GALM: variants seen among roughly 807,000 people sequenced by gnomAD.
GALM encodes galactose mutarotase.
A neutral mutation model predicts 37.4 loss-of-function variants in GALM; 43 were observed. That is an observed-to-expected ratio of 1.15 (90% CI 0.90 to 1.48). GALM has a LOEUF of 1.48. Among genes scored for constraint, GALM ranks in the 40% most tolerant of loss-of-function variants. The probability of loss-of-function intolerance (pLI) is 0.00; values close to 1 mark genes in which losing one functional copy is unlikely to be tolerated. For missense variants in GALM, 456 were observed against 419.1 expected (o/e 1.09, Z -0.77); for synonymous variants, 199 against 170.6 (o/e 1.17, Z -1.30).
intron 3 of GALM, among the ~76,000 whole-genome samples, chr2:38,689,253 C>T (rs928005458): frequency 4.6e-5 from 7 of 152,342 alleles, no homozygotes; most frequent in African/African-American, 1.7e-4. Flanking sequence ...TTTGACTCCC[C>T]TGCAAAGGCC....
At chr2:38,675,676 C>T (rs1235005432) in intron 1 of GALM, among the ~76,000 whole-genome samples, 1 of 151,462 alleles carries the variant, frequency 6.6e-6, no homozygotes, top group East Asian at 1.9e-4. Flanking sequence ...TCATGCCATT[C>T]TCCTGCCTCA....
chr2:38,681,353 AC>A lies in GALM; in HGVS notation c.423del (p.Gly142GlufsTer3). 3.7e-6 allele frequency: 6 copies of A among 1,614,082 alleles called. No individual in the cohort carries two copies. The highest frequency in any genetic ancestry group is 5.1e-6 in the Non-Finnish European group (6 of 1,180,008). On this transcript the variant is annotated frameshift_variant, in exon 3 of 7. Transcript: ENST00000272252. LOFTEE classifies it high-confidence loss of function. The stretch of plus-strand genomic sequence containing the variant: ...ATCAGTCCAGATGGTGAAGAAGGCT[AC>A]CCCGGAGAGTTAAAAGTCTGGGTGA... ...SRISPDGEEG[Y>X]PGELKVWVTY...
intron 4 of GALM, among the ~76,000 whole-genome samples, chr2:38,722,029 T>C (rs1442488701): frequency 7.1e-3 from 132 of 18,620 alleles, no homozygotes; most frequent in South Asian, 0.018. Context: ...ATGCCTTCCC[T>C]TCCCCCCCCC....
chr2:38,695,222 G>C (rs1665778609), intron 4 of GALM, among the ~76,000 whole-genome samples: 1 of 151,984 alleles, frequency 6.6e-6, no homozygotes, highest in Admixed American at 6.6e-5. Flanking sequence ...AAGACTTTGA[G>C]ACCAGCCTTG....
intron 4 of GALM, among the ~76,000 whole-genome samples, chr2:38,724,749 A>G (rs1490085513): frequency 1.3e-5 from 2 of 152,166 alleles, no homozygotes; most frequent in South Asian, 2.1e-4. Context: ...TGTGTTCTAT[A>G]TGGTAGCCTG....
intron 4 of GALM, among the ~76,000 whole-genome samples, chr2:38,714,360 G>T (rs536315156): frequency 6.6e-6 from 1 of 151,998 alleles, no homozygotes. Flanking sequence ...GACTACAGGC[G>T]TGCACCACCA....
chr2:38,672,145 T>C (rs1316238212), intron 1 of GALM, among the ~76,000 whole-genome samples: 1 of 152,176 alleles, frequency 6.6e-6, no homozygotes, highest in Non-Finnish European at 1.5e-5. Context: ...GTAAGGGAAT[T>C]CTTGCAAGCC....
intron 4 of GALM, among the ~76,000 whole-genome samples, chr2:38,709,939 G>C (rs185605726): frequency 4.8e-4 from 73 of 152,326 alleles, no homozygotes; most frequent in Admixed American, 4.5e-3. Flanking sequence ...AGCCCGACTA[G>C]ATAAAGAAAC....
At chr2:38,689,942 C>T in intron 4 of GALM, 48 bp downstream of exon 4, 2 of 1,104,636 alleles carry the variant, frequency 1.8e-6, no homozygotes, top group Non-Finnish European at 2.7e-6. Context: ...TGGATTGGCT[C>T]TCGAGGCCAA....
intron 6 of GALM, among the ~76,000 whole-genome samples, chr2:38,732,120 G>C (rs975685635): frequency 6.6e-6 from 1 of 152,096 alleles, no homozygotes; most frequent in Non-Finnish European, 1.5e-5. Context: ...TCCTGGGCAC[G>C]ATCTCAGCTC....
chr2:38,734,729 G>T lies in GALM; in HGVS notation c.*1164G>T, dbSNP rs138090594. The T allele has an allele frequency of 6.6e-6, 1 of 150,502 alleles. No homozygotes were observed. Among genetic ancestry groups the T allele is most frequent in the Admixed American group, 6.7e-5 (1 of 14,958 alleles). The allele number at this position is 150,502 out of a possible 1,614,324, so 9.3% of individuals were successfully genotyped here. A position where few individuals can be genotyped will look rare whatever the true frequency, so the allele number is the denominator to read the frequency against. Reference sequence around the variant, plus strand: ...AAAGTATGTTATACTAGTGTATGCTGTACTGAATTGAAATAAAACCAAAAT... The same window carrying T: ...AAAGTATGTTATACTAGTGTATGCTTTACTGAATTGAAATAAAACCAAAAT... On this transcript the variant is annotated 3_prime_UTR_variant, in exon 7 of 7. Transcript: ENST00000272252.
intron 1 of GALM, 110 bp from the exon 2 acceptor site, chr2:38,675,802 C>G (rs1665245997): frequency 1.0e-6 from 1 of 975,006 alleles, no homozygotes; most frequent in Non-Finnish European, 1.6e-6. Flanking sequence ...ATCTCCTGAC[C>G]TTGTGATCCG....
intron 4 of GALM, among the ~76,000 whole-genome samples, chr2:38,726,417 G>T (rs111394336): frequency 2.0e-5 from 3 of 150,938 alleles, no homozygotes; most frequent in African/African-American, 4.9e-5. Context: ...TAGTAGAGAC[G>T]GGTTTTCACC....
chr2:38,721,644 G>T (rs566623667), intron 4 of GALM, among the ~76,000 whole-genome samples: 1 of 152,078 alleles, frequency 6.6e-6, no homozygotes, highest in Admixed American at 6.6e-5. Flanking sequence ...CTCCCTAGTA[G>T]CTGGGATCAC....
intron 4 of GALM, among the ~76,000 whole-genome samples, chr2:38,704,414 A>G (rs539368682): frequency 1.1e-4 from 16 of 152,248 alleles, no homozygotes; most frequent in African/African-American, 3.4e-4. Flanking sequence ...TCATGCCTTT[A>G]ATCCCAGAAC....
At chr2:38,697,972 C>T (rs887714729) in intron 4 of GALM, among the ~76,000 whole-genome samples, 17 of 151,366 alleles carry the variant, frequency 1.1e-4, no homozygotes, top group Admixed American at 2.0e-4. Context: ...TAGACAGAGT[C>T]TCACTCCATC....
At position 38,709,921 on chromosome 2, in the gene GALM, C is replaced by G. The variant is rs571994688; in HGVS notation, c.635-19635C>G. 1.2e-4 allele frequency among the ~76,000 whole-genome samples: 19 copies of G among 152,314 alleles called. 1 individual carries two copies. The South Asian group carries it at 3.9e-3, about 32-fold the overall frequency. On this transcript the variant is annotated intron_variant, in intron 4 of 6. Coordinates refer to ENST00000272252, the MANE Select transcript of GALM (RefSeq NM_138801.3). ...GGCCTCCTTATGCAAATTTGACTGA[C>G]TCTTCTGAGCCCGACTAGATAAAGA...
At chr2:38,686,433 T>C (rs960840073) in intron 3 of GALM, among the ~76,000 whole-genome samples, 1 of 151,682 alleles carries the variant, frequency 6.6e-6, no homozygotes, top group African/African-American at 2.4e-5. Context: ...GCCCAGCTAC[T>C]TTTTTGTATT....
chr2:38,670,426 AG>A (rs1419096441), intron 1 of GALM, among the ~76,000 whole-genome samples: 3 of 152,208 alleles, frequency 2.0e-5, no homozygotes, highest in Admixed American at 6.5e-5. Context: ...AGGAAAAAAA[AG>A]GATCAGGTTA....
Sources: gnomAD v4.1 joint callset for allele counts (sites outside exome capture counted in the v4.1 genomes callset) on GRCh38, gnomAD v4.1.1 for gene constraint, MANE v1.5 for transcripts, NCBI Gene and HGNC (gene_info 2026-07-23, HGNC 2026-07-21) for gene names.